ATXN2: variants seen among roughly 807,000 people sequenced by gnomAD.
ATXN2 encodes the protein ataxin 2, also known as ataxin-2.
ATXN2 carries 37 observed loss-of-function variants against 138.6 expected under a neutral mutation model. The observed-to-expected ratio is 0.27, with a 90% CI of 0.21 to 0.35. The LOEUF is 0.35. ATXN2 is among the 10% of genes least tolerant of loss of function. The pLI is 1.00. For missense variants in ATXN2, 1,216 were observed against 1,480.3 expected (o/e 0.82, Z 2.93); for synonymous variants, 549 against 543.7 (o/e 1.01, Z -0.13).
chr12:111,557,658 G>A (rs991818628), intron 1 of ATXN2, among the ~76,000 whole-genome samples: 9 of 152,250 alleles, frequency 5.9e-5, no homozygotes, highest in Admixed American at 4.6e-4. Flanking sequence ...ATTTAAACCA[G>A]GTGTATCTGA....
intron 18 of ATXN2, among the ~76,000 whole-genome samples, chr12:111,474,675 A>G (rs1393810171): frequency 6.6e-6 from 1 of 152,244 alleles, no homozygotes; most frequent in Non-Finnish European, 1.5e-5. Flanking sequence ...AACTGATGCA[A>G]TGTCTAGAAT....
rs998053810 is a variant in ATXN2 at position 111,516,411 on chromosome 12, A to C, written c.1166-48T>G. On this transcript the variant is annotated intron_variant, in intron 9 of 24. Coordinates refer to ENST00000673436, the MANE Select transcript of ATXN2 (RefSeq NM_001372574.1). This position sits in a 1 kb window ranked among gnomAD's most constrained non-coding sequence, Gnocchi z 5.0. Reference sequence around the variant, plus strand: ...GGAAAGTATAAAAACTAAAGAAAAAAATGAGGGAAAAAAGTAAACAGAAAA... The same window carrying C: ...GGAAAGTATAAAAACTAAAGAAAAACATGAGGGAAAAAAGTAAACAGAAAA... The C allele has an allele frequency of 1.4e-5, 20 of 1,476,620 alleles. No homozygotes were observed. The highest frequency in any genetic ancestry group is 1.7e-5 in the Non-Finnish European group (19 of 1,095,988). The allele number at this position is 1,476,620 out of a possible 1,614,324, so 91.5% of individuals were successfully genotyped here.
chr12:111,467,803 T>TA (rs1876128007), intron 20 of ATXN2, among the ~76,000 whole-genome samples: 2 of 152,218 alleles, frequency 1.3e-5, no homozygotes, highest in Non-Finnish European at 2.9e-5. Context: ...ATGAAAATCA[T>TA]CTGTACCTCA....
chr12:111,501,311 C>A (rs967149928), intron 14 of ATXN2, among the ~76,000 whole-genome samples: 2 of 152,070 alleles, frequency 1.3e-5, no homozygotes, highest in Non-Finnish European at 2.9e-5. Context: ...ATGGCATCCT[C>A]TACAAAAGAA....
intron 18 of ATXN2, among the ~76,000 whole-genome samples, chr12:111,472,615 C>T (rs896370755): frequency 2.0e-5 from 3 of 152,202 alleles, no homozygotes; most frequent in African/African-American, 7.2e-5. Flanking sequence ...GTTGCCCAAG[C>T]TGGAGTGCAG....
intron 14 of ATXN2, among the ~76,000 whole-genome samples, chr12:111,500,819 G>A (rs1008951889): frequency 7.5e-4 from 115 of 152,328 alleles, no homozygotes; most frequent in African/African-American, 2.7e-3. Context: ...GTTGCAGTGA[G>A]TTGAGACTGC....
chr12:111,559,514 C>A (rs974068750), intron 1 of ATXN2, among the ~76,000 whole-genome samples: 2 of 151,456 alleles, frequency 1.3e-5, no homozygotes, highest in Admixed American at 1.3e-4. Context: ...TGGCTAAGGC[C>A]TGTAATCCCA....
intron 14 of ATXN2, among the ~76,000 whole-genome samples, chr12:111,491,818 C>T (rs1157489119): frequency 6.6e-6 from 1 of 152,158 alleles, no homozygotes; most frequent in Non-Finnish European, 1.5e-5. Flanking sequence ...GGGAGACCCA[C>T]CTGCTTGAGG....
At chr12:111,579,917 C>A (rs1883898537) in intron 1 of ATXN2, among the ~76,000 whole-genome samples, 1 of 151,962 alleles carries the variant, frequency 6.6e-6, no homozygotes, top group African/African-American at 2.4e-5. Context: ...CCAGGCTGGT[C>A]TCGAACTCCT....
chr12:111,479,517 A>G (rs923360944), intron 18 of ATXN2, among the ~76,000 whole-genome samples: 3 of 152,004 alleles, frequency 2.0e-5, no homozygotes, highest in Non-Finnish European at 4.4e-5. Flanking sequence ...TCTGGGACAC[A>G]GAACAAGACT....
At chr12:111,566,206 G>A (rs1882994474) in intron 1 of ATXN2, among the ~76,000 whole-genome samples, 1 of 152,046 alleles carries the variant, frequency 6.6e-6, no homozygotes, top group Non-Finnish European at 1.5e-5. Context: ...GCCGAGGCAG[G>A]CAGATCACCT....
chr12:111,527,453 A>G (rs1315633531), intron 5 of ATXN2, among the ~76,000 whole-genome samples: 1 of 152,258 alleles, frequency 6.6e-6, no homozygotes, highest in Non-Finnish European at 1.5e-5. Flanking sequence ...AAGTGATGCC[A>G]AAATAAGAAA....
intron 1 of ATXN2, among the ~76,000 whole-genome samples, chr12:111,583,789 AAC>A (rs1491096641): frequency 2.4e-4 from 37 of 151,244 alleles, no homozygotes; most frequent in African/African-American, 9.0e-4. Flanking sequence ...AAAAAAAAAA[AAC>A]AGTGAACCAT....
intron 18 of ATXN2, among the ~76,000 whole-genome samples, chr12:111,478,454 A>G (rs1876981764): frequency 6.6e-6 from 1 of 152,112 alleles, no homozygotes; most frequent in African/African-American, 2.4e-5. Context: ...ACCATTTACT[A>G]AAAAAAGGTT....
At chr12:111,456,340 C>A (rs1484626425) in intron 22 of ATXN2, 84 bp from the exon 23 acceptor site, 1 of 1,426,852 alleles carries the variant, frequency 7.0e-7, no homozygotes, top group African/African-American at 1.4e-5. Context: ...AAGCTTTGCA[C>A]ACTTGGGCCT....
intron 1 of ATXN2, among the ~76,000 whole-genome samples, chr12:111,577,838 G>A (rs191416750): frequency 2.0e-5 from 3 of 152,020 alleles, no homozygotes; most frequent in Admixed American, 2.0e-4. Context: ...TCCCAGCTAC[G>A]TGGGAAGCTG....
Position 111,470,575 on chromosome 12 carries a change from G to C in ATXN2, c.2692C>G (p.Pro898Ala), listed in dbSNP as rs1252100184. 6.2e-7 allele frequency: 1 copy of C among 1,614,074 alleles called. No individual in the cohort carries two copies. The highest frequency in any genetic ancestry group is 8.5e-7 in the Non-Finnish European group (1 of 1,180,006). Residue 898 changes from proline to alanine, a missense_variant, in exon 19 of 25, where the codon CCA becomes GCA. Transcript: ENST00000673436. ...AGCCTTACCTGAGACTGATAATGTG[G>C]CACATGCTGAACAAGGGGCTGATTT... ...FPNQPLVQHV[P>A]HYQSQHPHVY...
chr12:111,537,220 G>A (rs1881237524), intron 5 of ATXN2, among the ~76,000 whole-genome samples: 2 of 152,068 alleles, frequency 1.3e-5, no homozygotes, highest in Admixed American at 6.6e-5. Context: ...GGAATATTTG[G>A]CCATGAAAAA....
chr12:111,588,639 A>C (rs1177269128), intron 1 of ATXN2, among the ~76,000 whole-genome samples: 2 of 151,948 alleles, frequency 1.3e-5, no homozygotes, highest in Non-Finnish European at 2.9e-5. Flanking sequence ...AAAGAAAAAA[A>C]AAAAGTTAAG....
Sources: allele counts gnomAD v4.1 joint callset (sites outside exome capture counted in the v4.1 genomes callset), GRCh38; gene constraint gnomAD v4.1.1; non-coding constraint Gnocchi (gnomAD v3.1); transcripts MANE v1.5; gene names NCBI Gene and HGNC (gene_info 2026-07-23, HGNC 2026-07-21).